The following PGM2 variants were observed in gnomAD, a reference collection of about 807,000 sequenced individuals.
PGM2 encodes phosphopentomutase.
A neutral mutation model predicts 74.6 loss-of-function variants in PGM2; 57 were observed. That is an observed-to-expected ratio of 0.76 (90% CI 0.62 to 0.95). The LOEUF (loss-of-function observed/expected upper bound fraction) is 0.95. Among genes scored for constraint, PGM2 ranks in the 40% least tolerant of loss-of-function variants. PGM2 has a pLI of 0.00. For synonymous variants in PGM2, 273 were observed against 260.7 expected, an observed-to-expected ratio of 1.05 and a Z score of -0.46; for missense variants, 706 against 741.9, an observed-to-expected ratio of 0.95 and a Z score of 0.56.
chr4:37,848,748 A>G (rs946805519), intron 11 of PGM2, 97 bp downstream of exon 11: 1 of 936,006 alleles, frequency 1.1e-6, no homozygotes, highest in Non-Finnish European at 1.6e-6. Flanking sequence ...TAATGCTCTT[A>G]TTTTGGTGAT....
chr4:37,838,069 C>T (rs571185388), intron 4 of PGM2, among the ~76,000 whole-genome samples: 1 of 152,204 alleles, frequency 6.6e-6, no homozygotes, highest in East Asian at 1.9e-4. Flanking sequence ...TTAGTAGCGA[C>T]GAGGTTTCAC....
At chr4:37,858,940 A>T (rs1486220661) in intron 13 of PGM2, among the ~76,000 whole-genome samples, 1 of 152,152 alleles carries the variant, frequency 6.6e-6, no homozygotes, top group Non-Finnish European at 1.5e-5. Flanking sequence ...CTTTGTATGT[A>T]AAGAGCCAGA....
At chr4:37,836,851 A>G (rs1725579307) in intron 3 of PGM2, among the ~76,000 whole-genome samples, 1 of 102,378 alleles carries the variant, frequency 9.8e-6, no homozygotes, top group Non-Finnish European at 2.0e-5. Flanking sequence ...CAAGATGTAT[A>G]TATGTGTATG....
At chr4:37,851,547 A>C (rs967071873) in intron 12 of PGM2, among the ~76,000 whole-genome samples, 2 of 152,126 alleles carry the variant, frequency 1.3e-5, no homozygotes, top group African/African-American at 2.4e-5. Flanking sequence ...GTTCTTTGAT[A>C]TTTTCTTTGT....
At chr4:37,829,868 A>G in intron 1 of PGM2, 96 bp from the exon 2 acceptor site, 1 of 430,212 alleles carries the variant, frequency 2.3e-6, no homozygotes, top group Non-Finnish European at 4.0e-6. Context: ...ATACATATAT[A>G]TATATTTTCT....
In PGM2 at chr4:37,862,319, C is replaced by T. The variant is rs2152183530; in HGVS notation, c.*707C>T. 1.3e-5 allele frequency: 2 copies of T among 152,182 alleles called. No individual in the cohort carries two copies. Among genetic ancestry groups the T allele is most frequent in the South Asian group, 4.1e-4 (2 of 4,828 alleles). The allele number at this position is 152,182 out of a possible 1,614,324, so 9.4% of individuals were successfully genotyped here. A position where few individuals can be genotyped will look rare whatever the true frequency, so the allele number is the denominator to read the frequency against. On this transcript the variant is annotated 3_prime_UTR_variant, in exon 14 of 14. Transcript: ENST00000381967. ...TGAAAAACCAATTGTTTACTTGAAA[C>T]TTGAAAGTAGCATATTTTTCTGTTT... is the stretch of plus-strand genomic sequence containing the variant.
chr4:37,827,130 G>C (rs1725313857), intron 1 of PGM2, among the ~76,000 whole-genome samples: 1 of 152,252 alleles, frequency 6.6e-6, no homozygotes, highest in African/African-American at 2.4e-5. Context: ...GTCTAGTTGA[G>C]GGGCGCACGC....
intron 3 of PGM2, among the ~76,000 whole-genome samples, chr4:37,837,298 T>C (rs1725594375): frequency 6.6e-6 from 1 of 152,184 alleles, no homozygotes; most frequent in South Asian, 2.1e-4. Flanking sequence ...GGGCCTGACC[T>C]TTCTTGGCTT....
At chr4:37,834,510 A>G (rs1042888516) in intron 2 of PGM2, 108 bp from the exon 3 acceptor site, 14 of 598,196 alleles carry the variant, frequency 2.3e-5, no homozygotes, top group Non-Finnish European at 3.6e-5. Flanking sequence ...CCTCTCTCCC[A>G]TAGTGTTCTA....
At chr4:37,861,488 T>A (rs1560423627) in intron 13 of PGM2, 22 bp from the exon 14 acceptor site, 1 of 1,535,940 alleles carries the variant, frequency 6.5e-7, no homozygotes, top group Non-Finnish European at 9.0e-7. Flanking sequence ...TGACCTGGAT[T>A]TTTTTCCCCC....
intron 7 of PGM2, among the ~76,000 whole-genome samples, chr4:37,844,942 T>TGGGTGACA (rs1162283695): frequency 2.2e-5 from 3 of 137,684 alleles, no homozygotes; most frequent in Admixed American, 8.1e-5. Flanking sequence ...CACTCCAGCC[T>TGGGTGACA]GGGTGACAGG....
At chr4:37,847,389 A>G (rs897411399) in intron 10 of PGM2, 94 bp downstream of exon 10, 1 of 888,516 alleles carries the variant, frequency 1.1e-6, no homozygotes, top group Admixed American at 2.1e-5. Flanking sequence ...AACACGGTTT[A>G]TTTTGCCTCT....
chr4:37,837,825 G>GT (rs1009404349), intron 4 of PGM2, among the ~76,000 whole-genome samples: 128 of 152,142 alleles, frequency 8.4e-4, no homozygotes, highest in African/African-American at 3.0e-3. Flanking sequence ...ATTGGAATTG[G>GT]TTTTTTTAAA....
chr4:37,852,040 G>C (rs6842833), intron 12 of PGM2, among the ~76,000 whole-genome samples: 73,447 of 142,068 alleles, frequency 0.52, 19,710 homozygotes, highest in Non-Finnish European at 0.6. Context: ...CATGATCACA[G>C]CTCCCTGTAG....
intron 6 of PGM2, among the ~76,000 whole-genome samples, chr4:37,841,158 T>TGTGTGTGTG (rs1577676435): frequency 1.1e-4 from 11 of 101,456 alleles, no homozygotes; most frequent in Admixed American, 5.2e-4. Flanking sequence ...ATAGGAATAT[T>TGTGTGTGTG]TGTGTGTGTG....
chr4:37,846,483 C>A (rs924757668), intron 8 of PGM2, among the ~76,000 whole-genome samples: 1 of 152,184 alleles, frequency 6.6e-6, no homozygotes, highest in African/African-American at 2.4e-5. Flanking sequence ...ATGTTCTGAC[C>A]ATTTAGGACT....
chr4:37,829,185 C>CA (rs528053339), intron 1 of PGM2, among the ~76,000 whole-genome samples: 52 of 146,428 alleles, frequency 3.6e-4, no homozygotes, highest in East Asian at 3.1e-3. Context: ...AACTACCATA[C>CA]AAAAAAAAAA....
intron 6 of PGM2, among the ~76,000 whole-genome samples, chr4:37,842,522 T>TGGTAA (rs1440354237): frequency 6.6e-6 from 1 of 150,750 alleles, no homozygotes; most frequent in Non-Finnish European, 1.5e-5. Context: ...GGTTTGCAGT[T>TGGTAA]GTACCAACAT....
intron 3 of PGM2, among the ~76,000 whole-genome samples, chr4:37,835,376 A>G (rs539137715): frequency 6.6e-6 from 1 of 152,328 alleles, no homozygotes; most frequent in African/African-American, 2.4e-5. Context: ...TGCATATCAC[A>G]TGATTCCCAT....
Sources: allele counts gnomAD v4.1 joint callset (sites outside exome capture counted in the v4.1 genomes callset), GRCh38; gene constraint gnomAD v4.1.1; transcripts MANE v1.5; gene names NCBI Gene and HGNC (gene_info 2026-07-23, HGNC 2026-07-21).